Variants in PHACTR1 observed in about 807,000 individuals in gnomAD.
PHACTR1 encodes the protein RPEL repeat containing 1.
PHACTR1 carries 16 observed loss-of-function variants against 69.2 expected under a neutral mutation model. The observed-to-expected ratio is 0.23, with a 90% confidence interval of 0.16 to 0.35. The LOEUF (loss-of-function observed/expected upper bound fraction) is 0.35, where lower values mean the gene tolerates loss of function less well. Ranked by LOEUF, PHACTR1 falls within the 10% of genes least tolerant of loss-of-function variation. The probability of loss-of-function intolerance (pLI) is 1.00; values close to 1 mark genes in which losing one functional copy is unlikely to be tolerated. For missense variants in PHACTR1, 510 were observed against 734.7 expected (o/e 0.69, Z 3.54); for synonymous variants, 312 against 284.5 (o/e 1.10, Z -0.97).
chr6:13,188,229 A>G (rs1403903483), intron 7 of PHACTR1, among the ~76,000 whole-genome samples: 1 of 152,254 alleles, frequency 6.6e-6, no homozygotes, highest in African/African-American at 2.4e-5. Flanking sequence ...GTGGACTGCA[A>G]ATCTAGTGCT....
intron 8 of PHACTR1, among the ~76,000 whole-genome samples, chr6:13,207,584 G>A (rs567451252): frequency 1.1e-4 from 17 of 151,092 alleles, no homozygotes; most frequent in Admixed American, 1.0e-3. Context: ...ATACACACAT[G>A]AGTGTATGTG....
At chr6:13,233,743 G>A (rs535319315) in intron 10 of PHACTR1, among the ~76,000 whole-genome samples, 1 of 152,234 alleles carries the variant, frequency 6.6e-6, no homozygotes, top group Non-Finnish European at 1.5e-5. Context: ...ATTTGGGTGG[G>A]GACACAGAAC....
At chr6:12,992,422 G>A (rs1180650882) in intron 4 of PHACTR1, among the ~76,000 whole-genome samples, 2 of 152,082 alleles carry the variant, frequency 1.3e-5, no homozygotes, top group Non-Finnish European at 2.9e-5. Flanking sequence ...ATTTCAAACA[G>A]TGAGGAAGAA....
At chr6:13,172,586 C>A (rs1760770222) in intron 6 of PHACTR1, among the ~76,000 whole-genome samples, 1 of 152,176 alleles carries the variant, frequency 6.6e-6, no homozygotes, top group African/African-American at 2.4e-5. Flanking sequence ...CAGGGAAGTG[C>A]AGCTGAAACA....
intron 12 of PHACTR1, chr6:13,281,421 G>A: frequency 3.2e-6 from 1 of 309,488 alleles, no homozygotes; most frequent in Non-Finnish European, 6.5e-6. Context: ...GGACAAGGTG[G>A]CGCATACCTG....
intron 4 of PHACTR1, among the ~76,000 whole-genome samples, chr6:12,995,764 G>T (rs890081749): frequency 6.6e-6 from 1 of 151,878 alleles, no homozygotes; most frequent in Admixed American, 6.6e-5. Context: ...TTAAAATTAC[G>T]AGGGAAAACT....
chr6:13,227,154 G>A (rs906828231), intron 8 of PHACTR1, among the ~76,000 whole-genome samples: 9 of 152,260 alleles, frequency 5.9e-5, no homozygotes, highest in Admixed American at 3.9e-4. Context: ...ATCCAGACTG[G>A]CATTACCTGT....
intron 9 of PHACTR1, among the ~76,000 whole-genome samples, chr6:13,229,249 C>T (rs552680145): frequency 6.6e-6 from 1 of 152,366 alleles, no homozygotes; most frequent in South Asian, 2.1e-4. Flanking sequence ...ACAGGCATCC[C>T]TGGCCTCTGT....
chr6:13,226,091 A>G (rs1256553267), intron 8 of PHACTR1, among the ~76,000 whole-genome samples: 2 of 152,242 alleles, frequency 1.3e-5, no homozygotes, highest in African/African-American at 2.4e-5. Flanking sequence ...GTGATAAACC[A>G]CTAATAAGAT....
chr6:13,186,453 A>G (rs1253531417), intron 7 of PHACTR1, among the ~76,000 whole-genome samples: 1 of 152,212 alleles, frequency 6.6e-6, no homozygotes, highest in East Asian at 1.9e-4. Flanking sequence ...CTAAATCGCA[A>G]CAGCAAACAA....
intron 10 of PHACTR1, among the ~76,000 whole-genome samples, chr6:13,269,588 T>C (rs202076): frequency 0.07 from 10,708 of 152,236 alleles, 712 homozygotes; most frequent in Admixed American, 0.22. Flanking sequence ...CCCAGCACTT[T>C]GGGAGGCTGA....
At chr6:12,946,906 C>T (rs755109545) in intron 4 of PHACTR1, among the ~76,000 whole-genome samples, 40 of 150,034 alleles carry the variant, frequency 2.7e-4, no homozygotes, top group East Asian at 7.9e-4. Context: ...TCCACCTCCC[C>T]GGTCCAAGCA....
intron 5 of PHACTR1, among the ~76,000 whole-genome samples, chr6:13,065,817 A>G (rs1808540805): frequency 6.6e-6 from 1 of 152,200 alleles, no homozygotes; most frequent in Non-Finnish European, 1.5e-5. Flanking sequence ...GGAAAAGCAA[A>G]CATGCAAATA....
intron 4 of PHACTR1, among the ~76,000 whole-genome samples, chr6:13,005,165 G>A (rs1488037794): frequency 1.3e-5 from 2 of 151,116 alleles, no homozygotes; most frequent in Non-Finnish European, 3.0e-5. Flanking sequence ...AACCTGAATG[G>A]GTTTTTAAAA....
intron 4 of PHACTR1, among the ~76,000 whole-genome samples, chr6:12,774,653 T>C (rs572534330): frequency 6.6e-6 from 1 of 152,166 alleles, no homozygotes; most frequent in African/African-American, 2.4e-5. Flanking sequence ...ACCTGTCTCG[T>C]CCACCCAAAG....
intron 4 of PHACTR1, among the ~76,000 whole-genome samples, chr6:12,911,749 A>G (rs1252461479): frequency 6.6e-6 from 1 of 152,172 alleles, no homozygotes; most frequent in Non-Finnish European, 1.5e-5. Flanking sequence ...CAGGGGGTTT[A>G]TAATGGATAC....
intron 4 of PHACTR1, among the ~76,000 whole-genome samples, chr6:13,018,594 A>T (rs1800513123): frequency 6.6e-6 from 1 of 152,082 alleles, no homozygotes; most frequent in South Asian, 2.1e-4. Context: ...CCTCTTCTGT[A>T]ATTAAACTTC....
chr6:12,760,054 C>T (rs1241904057), intron 4 of PHACTR1, among the ~76,000 whole-genome samples: 1 of 152,154 alleles, frequency 6.6e-6, no homozygotes. Flanking sequence ...TAGAATAATG[C>T]CTGACACATA....
At chr6:12,927,932 C>T (rs1296603007) in intron 4 of PHACTR1, among the ~76,000 whole-genome samples, 1 of 152,228 alleles carries the variant, frequency 6.6e-6, no homozygotes, top group African/African-American at 2.4e-5. Flanking sequence ...GAGGGCTGCA[C>T]CTCCGATTGC....
Sources: allele counts gnomAD v4.1 joint callset (sites outside exome capture counted in the v4.1 genomes callset), GRCh38; gene constraint gnomAD v4.1.1; transcripts MANE v1.5; gene names NCBI Gene and HGNC (gene_info 2026-07-23, HGNC 2026-07-21).